ESR2: variants seen among roughly 807,000 people sequenced by gnomAD.
ESR2 encodes estrogen receptor 2.
Under a neutral mutation model 49.6 loss-of-function variants are expected in ESR2, and 36 were observed. The ratio of observed to expected loss-of-function variants is 0.73; its 90% CI spans 0.56 to 0.96. The LOEUF is 0.96. Ranked by LOEUF, ESR2 falls within the 40% of genes least tolerant of loss-of-function variation. ESR2 has a pLI of 0.00. For synonymous variants in ESR2, 320 were observed against 266.1 expected (o/e 1.20, Z -1.97); for missense variants, 714 against 693.0 (o/e 1.03, Z -0.34).
intron 1 of ESR2, among the ~76,000 whole-genome samples, chr14:64,313,907 AAG>A (rs2077218921): frequency 6.6e-6 from 1 of 151,864 alleles, no homozygotes; most frequent in South Asian, 2.1e-4. Context: ...GAAAGAAAGA[AAG>A]AAGAAAGAGA....
At chr14:64,243,685 G>T (rs1305800404) in intron 7 of ESR2, among the ~76,000 whole-genome samples, 2 of 152,340 alleles carry the variant, frequency 1.3e-5, no homozygotes, top group African/African-American at 4.8e-5. Context: ...TAGGAAGGCT[G>T]AGAAGTGCCC....
At chr14:64,323,079 T>C (rs2077344320) in intron 1 of ESR2, among the ~76,000 whole-genome samples, 1 of 152,248 alleles carries the variant, frequency 6.6e-6, no homozygotes, top group Admixed American at 6.5e-5. Flanking sequence ...TTATATATGT[T>C]TACATATTTC....
chr14:64,259,546 G>A (rs2076170025), intron 5 of ESR2, among the ~76,000 whole-genome samples: 1 of 152,236 alleles, frequency 6.6e-6, no homozygotes, highest in Admixed American at 6.5e-5. Flanking sequence ...GAAACACCAA[G>A]TCAAATGATA....
At chr14:64,335,892 C>T (rs1234202589) in intron 1 of ESR2, 3 of 150,054 alleles carry the variant, frequency 2.0e-5, no homozygotes, top group African/African-American at 4.9e-5. Context: ...GCAACCTCCA[C>T]CTCCCGGGTT....
intron 6 of ESR2, among the ~76,000 whole-genome samples, chr14:64,253,614 G>C (rs112529566): frequency 1.4e-5 from 2 of 145,154 alleles, no homozygotes; most frequent in African/African-American, 5.1e-5. Context: ...GTATGTATGT[G>C]TGTGTATATA....
Position 64,260,490 on chromosome 14 carries a change from T to A in ESR2, c.911A>T (p.Lys304Met), listed in dbSNP as rs539389612. The A allele has an allele frequency of 2.6e-6, 4 of 1,531,340 alleles. No individual in the cohort carries two copies. In the Admixed American group the frequency reaches 8.5e-5, roughly 33 times the overall value. The allele number at this position is 1,531,340 out of a possible 1,614,324, so 94.9% of individuals were successfully genotyped here. ...CCAGCTGATCATGTGTACCAACTCC[T>A]TGTCGGCCAACTTGGTCAGGGACAT... Reference protein sequence around the residue: ...MMMSLTKLADKELVHMISWAK... With the variant: ...MMMSLTKLADMELVHMISWAK... Residue 304 changes from lysine (K) to methionine (M), a missense_variant, in exon 5 of 9, where the codon AAG becomes ATG. Physicochemically the swap from Lys to Met is moderately conservative, Grantham distance 95. Transcript: ENST00000341099.
At chr14:64,261,747 T>C (rs2076229748) in intron 4 of ESR2, among the ~76,000 whole-genome samples, 1 of 152,160 alleles carries the variant, frequency 6.6e-6, no homozygotes, top group Non-Finnish European at 1.5e-5. Context: ...TTGTAGTATC[T>C]ACACTATTTT....
At chr14:64,239,599 G>T (rs2075678267) in intron 7 of ESR2, among the ~76,000 whole-genome samples, 1 of 152,078 alleles carries the variant, frequency 6.6e-6, no homozygotes, top group Non-Finnish European at 1.5e-5. Context: ...GGAGGATTTG[G>T]GTGGCAAGAT....
chr14:64,300,894 C>T (rs1411982190), intron 1 of ESR2, among the ~76,000 whole-genome samples: 1 of 152,160 alleles, frequency 6.6e-6, no homozygotes, highest in Non-Finnish European at 1.5e-5. Context: ...TAAGTGTCTA[C>T]CTGAGACACA....
Position 64,233,435 on chromosome 14 carries a change from C to G in ESR2, c.1407-112G>C, listed in dbSNP as rs1198642472. ...CCAGTCTACCCCACCCCTAAACCCACTCTTCCCCCAGCCCATTTATCCATG... is the reference window on the plus strand; with the variant it reads ...CCAGTCTACCCCACCCCTAAACCCAGTCTTCCCCCAGCCCATTTATCCATG... On this transcript the variant is annotated intron_variant, in intron 8 of 8. Coordinates refer to ENST00000341099, the MANE Select transcript of ESR2 (RefSeq NM_001437.3). 8.0e-6 allele frequency: 8 copies of G among 998,424 alleles called. No individual in the cohort carries two copies. The African/African-American group carries it at 1.1e-4, about 14-fold the overall frequency. 61.8% of individuals were successfully genotyped at this position (998,424 alleles called of 1,614,324 possible).
At chr14:64,249,305 G>A (rs1176720433) in intron 7 of ESR2, among the ~76,000 whole-genome samples, 2 of 151,896 alleles carry the variant, frequency 1.3e-5, no homozygotes, top group Non-Finnish European at 2.9e-5. Flanking sequence ...TTCTTTTCCA[G>A]CAAGTGGCTT....
intron 1 of ESR2, among the ~76,000 whole-genome samples, chr14:64,326,063 A>G (rs1326579001): frequency 4.6e-5 from 7 of 152,136 alleles, no homozygotes; most frequent in African/African-American, 1.7e-4. Flanking sequence ...AGTTTTGACA[A>G]CTGAAATATT....
chr14:64,233,338 A>C lies in ESR2; in HGVS notation c.1407-15T>G. 3 of 1,600,542 alleles carry C rather than the reference A, an allele frequency of 1.9e-6. No individual in the cohort carries two copies. The highest frequency in any genetic ancestry group is 2.6e-6 in the Non-Finnish European group (3 of 1,168,766). On this transcript the variant is annotated splice_polypyrimidine_tract_variant and intron_variant, in intron 8 of 8. Transcript: ENST00000341099. Reference sequence around the variant, plus strand: ...TGCCCTTGTTACTATGGGGACAAAAAGGTGCTGAGATTCCCTCCTCCGAGG... The same window carrying C: ...TGCCCTTGTTACTATGGGGACAAAACGGTGCTGAGATTCCCTCCTCCGAGG...
rs747036560 is a variant in ESR2 at position 64,260,494 on chromosome 14, C to A, written c.907G>T (p.Asp303Tyr). 2.0e-6 allele frequency: 3 copies of A among 1,531,982 alleles called. No individual in the cohort carries two copies. The highest frequency in any genetic ancestry group is 2.6e-6 in the Non-Finnish European group (3 of 1,140,308). The allele number at this position is 1,531,982 out of a possible 1,614,324, so 94.9% of individuals were successfully genotyped here. The change falls in exon 5 of 9, where the codon GAC becomes TAC. Residue 303 changes from aspartate to tyrosine, a missense_variant. Coordinates refer to ENST00000341099, the MANE Select transcript of ESR2 (RefSeq NM_001437.3). ...SMMMSLTKLA[D>Y]KELVHMISWA... Reference sequence around the variant, plus strand: ...CTGATCATGTGTACCAACTCCTTGTCGGCCAACTTGGTCAGGGACATCATC... The same window carrying A: ...CTGATCATGTGTACCAACTCCTTGTAGGCCAACTTGGTCAGGGACATCATC...
At chr14:64,304,862 C>T (rs1039225383) in intron 1 of ESR2, among the ~76,000 whole-genome samples, 2 of 151,088 alleles carry the variant, frequency 1.3e-5, no homozygotes, top group Non-Finnish European at 1.5e-5. Flanking sequence ...GGCAACAGAG[C>T]GAGACATTCT....
intron 6 of ESR2, among the ~76,000 whole-genome samples, chr14:64,252,908 T>G (rs2076018170): frequency 6.6e-6 from 1 of 152,056 alleles, no homozygotes; most frequent in South Asian, 2.1e-4. Context: ...CAGACTGGAG[T>G]GCAGTGGCAT....
Position 64,305,665 on chromosome 14 carries a change from T to C in ESR2, c.-90-22590A>G, listed in dbSNP as rs1367200049. ...CAGCCTGGGCAACACAGCGAGACTC[T>C]GTCTCAATAAATAAATAAATAAATA... On this transcript the variant is annotated intron_variant, in intron 1 of 8. Coordinates refer to the ESR2 transcript ENST00000358599. Among the ~76,000 whole-genome samples the C allele has an allele frequency of 2.0e-5, 3 of 151,770 alleles. No homozygotes were observed. The East Asian group carries it at 5.8e-4, about 29-fold the overall frequency.
chr14:64,311,644 GAAAAAA>G (rs71123837), intron 1 of ESR2, among the ~76,000 whole-genome samples: 2 of 91,846 alleles, frequency 2.2e-5, no homozygotes, highest in African/African-American at 8.4e-5. Context: ...CTCCATCTCA[GAAAAAA>G]AAAAAAAAAA....
At chr14:64,270,664 C>T (rs1480636760) in intron 3 of ESR2, among the ~76,000 whole-genome samples, 4 of 152,128 alleles carry the variant, frequency 2.6e-5, no homozygotes, top group Non-Finnish European at 5.9e-5. Flanking sequence ...CACCCACCAC[C>T]ACGCCCAGCT....
Sources: allele counts gnomAD v4.1 joint callset (sites outside exome capture counted in the v4.1 genomes callset), GRCh38; gene constraint gnomAD v4.1.1; transcripts MANE v1.5; gene names NCBI Gene and HGNC (gene_info 2026-07-23, HGNC 2026-07-21).